The following ROBO2 variants were observed in gnomAD, a reference collection of about 807,000 sequenced individuals.
The protein encoded by ROBO2 is roundabout homolog 2.
Under a neutral mutation model 160.8 loss-of-function variants are expected in ROBO2, and 53 were observed. That is an observed-to-expected ratio of 0.33 (90% CI 0.26 to 0.41). The LOEUF is 0.41. Among genes scored for constraint, ROBO2 ranks in the 10% least tolerant of loss-of-function variants. The pLI is 1.00. For missense variants in ROBO2, 1,577 were observed against 1,722.4 expected (o/e 0.92, Z 1.49); for synonymous variants, 664 against 611.7 (o/e 1.09, Z -1.26).
chr3:77,059,041 C>T (rs1047998971), intron 1 of ROBO2, among the ~76,000 whole-genome samples: 2 of 152,070 alleles, frequency 1.3e-5, no homozygotes, highest in Non-Finnish European at 2.9e-5. Flanking sequence ...TATGTTTATA[C>T]CTGTGATTGA....
chr3:76,888,090 G>GGGCACAGT (rs1470844106), intron 2 of ROBO2, among the ~76,000 whole-genome samples: 1 of 152,096 alleles, frequency 6.6e-6, no homozygotes, highest in African/African-American at 2.4e-5. Context: ...GTATTGAGCC[G>GGGCACAGT]GGCACAGTGG....
At chr3:77,453,987 A>G (rs1013508857) in intron 2 of ROBO2, among the ~76,000 whole-genome samples, 2 of 152,140 alleles carry the variant, frequency 1.3e-5, no homozygotes, top group Admixed American at 1.3e-4. Flanking sequence ...CCGTTCAATC[A>G]GCACATCTAT....
chr3:76,576,662 G>A (rs1456849772), intron 2 of ROBO2, among the ~76,000 whole-genome samples: 2 of 87,394 alleles, frequency 2.3e-5, no homozygotes, highest in African/African-American at 8.2e-5. Flanking sequence ...TACCCTTTGT[G>A]TTTTGTTTAT....
intron 2 of ROBO2, among the ~76,000 whole-genome samples, chr3:76,880,303 A>G (rs554259190): frequency 3.9e-5 from 6 of 152,166 alleles, no homozygotes; most frequent in Non-Finnish European, 8.8e-5. Context: ...TTATGTGTTT[A>G]AGATGGCTAA....
intron 2 of ROBO2, among the ~76,000 whole-genome samples, chr3:76,165,993 CA>C (rs1575727639): frequency 1.3e-5 from 2 of 151,928 alleles, no homozygotes; most frequent in African/African-American, 4.8e-5. Context: ...ATAGTAACAT[CA>C]ATGATCACTG....
chr3:77,522,818 A>T, exon 6 of ROBO2: 1 of 1,609,638 alleles, frequency 6.2e-7, no homozygotes, highest in Non-Finnish European at 8.5e-7. Context: ...TAAAAAGACC[A>T]TGAGTACAGA....
chr3:77,251,005 G>A (rs1199516643), intron 2 of ROBO2, among the ~76,000 whole-genome samples: 1 of 152,136 alleles, frequency 6.6e-6, no homozygotes, highest in Non-Finnish European at 1.5e-5. Context: ...CAGGGTTGCA[G>A]TCTCATGTCT....
rs977505422 is a variant in ROBO2 at position 76,626,203 on chromosome 3, G to A, written c.110-471811G>A. Among the ~76,000 whole-genome samples, 5 of 152,314 alleles carry A rather than the reference G, an allele frequency of 3.3e-5. No individual in the cohort carries two copies. The East Asian group carries it at 5.8e-4, about 18-fold the overall frequency. On this transcript the variant is annotated intron_variant, in intron 2 of 26. Transcript: ENST00000487694. ...AAACACTGTCATAAAATGGTTTTGA[G>A]GGAGAAGATCAGGAGTCAGGGTTTT...
intron 2 of ROBO2, among the ~76,000 whole-genome samples, chr3:77,213,560 T>C (rs1432912948): frequency 6.6e-6 from 1 of 152,206 alleles, no homozygotes; most frequent in African/African-American, 2.4e-5. Flanking sequence ...TTGAAGGGTT[T>C]TTTGTGTCTC....
intron 2 of ROBO2, among the ~76,000 whole-genome samples, chr3:76,764,784 A>G (rs1014019459): frequency 3.3e-5 from 5 of 151,680 alleles, no homozygotes; most frequent in African/African-American, 1.2e-4. Context: ...TATGCAGTAA[A>G]GTTCTTCCAC....
intron 2 of ROBO2, among the ~76,000 whole-genome samples, chr3:76,797,571 A>G (rs763090103): frequency 1.3e-5 from 2 of 151,974 alleles, no homozygotes; most frequent in Non-Finnish European, 2.9e-5. Context: ...GAAAAGAAAA[A>G]TAAAAAGATC....
intron 2 of ROBO2, among the ~76,000 whole-genome samples, chr3:76,397,796 A>C (rs1465525638): frequency 2.0e-5 from 3 of 152,066 alleles, no homozygotes; most frequent in Non-Finnish European, 4.4e-5. Flanking sequence ...CACCAGTGAG[A>C]ATGGCAATCA....
chr3:76,657,341 C>T (rs1451540681), intron 2 of ROBO2, among the ~76,000 whole-genome samples: 2 of 151,770 alleles, frequency 1.3e-5, no homozygotes, highest in African/African-American at 2.4e-5. Flanking sequence ...AGGAGAATGG[C>T]GTGAACCCCG....
chr3:77,081,443 G>A (rs1578797801), intron 1 of ROBO2, among the ~76,000 whole-genome samples: 1 of 152,182 alleles, frequency 6.6e-6, no homozygotes, highest in East Asian at 1.9e-4. Flanking sequence ...AAATGCCCCT[G>A]TGTATTCATA....
At chr3:77,267,474 A>T (rs1361707391) in intron 2 of ROBO2, among the ~76,000 whole-genome samples, 2 of 151,970 alleles carry the variant, frequency 1.3e-5, no homozygotes, top group Non-Finnish European at 2.9e-5. Context: ...CACCTCTGTT[A>T]CTCTCTGTGA....
At chr3:77,274,170 A>G (rs944844861) in intron 2 of ROBO2, among the ~76,000 whole-genome samples, 1 of 152,166 alleles carries the variant, frequency 6.6e-6, no homozygotes, top group Admixed American at 6.6e-5. Flanking sequence ...CCCAAGAAAC[A>G]TTCGTCACAC....
chr3:77,605,855 A>G (rs2094517193), intron 20 of ROBO2, among the ~76,000 whole-genome samples: 1 of 152,178 alleles, frequency 6.6e-6, no homozygotes, highest in Admixed American at 6.5e-5. Flanking sequence ...TAAAAGTACC[A>G]TGGAAAACGA....
intron 1 of ROBO2, among the ~76,000 whole-genome samples, chr3:75,913,006 C>G (rs1946664322): frequency 6.6e-6 from 1 of 152,144 alleles, no homozygotes; most frequent in Admixed American, 6.6e-5. Context: ...TTTCAAAGGT[C>G]AGAAGTCCAA....
intron 2 of ROBO2, among the ~76,000 whole-genome samples, chr3:76,894,097 C>T (rs956547941): frequency 6.6e-6 from 1 of 151,992 alleles, no homozygotes; most frequent in Non-Finnish European, 1.5e-5. Flanking sequence ...TTGGTCTGTA[C>T]TTTGTTATTC....
Sources: gnomAD v4.1 joint callset for allele counts (sites outside exome capture counted in the v4.1 genomes callset) on GRCh38, gnomAD v4.1.1 for gene constraint, MANE v1.5 for transcripts, NCBI Gene and HGNC (gene_info 2026-07-23, HGNC 2026-07-21) for gene names.